CSMD3: variants seen among roughly 807,000 people sequenced by gnomAD.
CSMD3 encodes CUB and Sushi multiple domains 3.
Under a neutral mutation model 435.2 loss-of-function variants are expected in CSMD3, and 177 were observed. The ratio of observed to expected loss-of-function variants is 0.41; its 90% CI spans 0.36 to 0.46. The LOEUF (loss-of-function observed/expected upper bound fraction) is 0.46. Among genes scored for constraint, CSMD3 ranks in the 20% least tolerant of loss-of-function variants. The probability of loss-of-function intolerance (pLI) is 0.34; values close to 1 mark genes in which losing one functional copy is unlikely to be tolerated. For missense variants in CSMD3, 4,265 were observed against 4,504.6 expected (o/e 0.95, Z 1.52); for synonymous variants, 1,656 against 1,520.5 (o/e 1.09, Z -2.07).
intron 6 of CSMD3, among the ~76,000 whole-genome samples, chr8:113,008,834 T>C (rs2086152829): frequency 6.6e-6 from 1 of 151,308 alleles, no homozygotes; most frequent in South Asian, 2.1e-4. Flanking sequence ...TAACAACCTA[T>C]TTATTATATT....
In CSMD3 at chr8:112,711,562, G is replaced by A. The variant is rs181703006; in HGVS notation, c.1973-21512C>T. On this transcript the variant is annotated intron_variant, in intron 13 of 70. Coordinates refer to ENST00000297405, the MANE Select transcript of CSMD3 (RefSeq NM_198123.2). Reference sequence around the variant, plus strand: ...TTCATGAATCATAAGGGAAATCAGAGGTGGAACTACTGGAACTCAAAGCTA... The same window carrying A: ...TTCATGAATCATAAGGGAAATCAGAAGTGGAACTACTGGAACTCAAAGCTA... Among the ~76,000 whole-genome samples, 73 of 152,074 alleles carry A rather than the reference G, an allele frequency of 4.8e-4. 1 individual carries two copies. The East Asian group carries it at 0.01, about 22-fold the overall frequency.
At chr8:112,295,789 C>T (rs2130712712) in intron 54 of CSMD3, 44 bp downstream of exon 54, 3 of 1,559,256 alleles carry the variant, frequency 1.9e-6, no homozygotes, top group South Asian at 2.2e-5. Context: ...TAGAATTATT[C>T]CAAAGATCAG....
chr8:112,586,826 T>C (rs1434690466), intron 23 of CSMD3, among the ~76,000 whole-genome samples: 1 of 145,368 alleles, frequency 6.9e-6, no homozygotes, highest in Non-Finnish European at 1.5e-5. Flanking sequence ...AAAATTTATG[T>C]ATCATAAAAC....
chr8:112,243,422 AG>A (rs915615381), intron 65 of CSMD3, among the ~76,000 whole-genome samples: 35 of 152,098 alleles, frequency 2.3e-4, no homozygotes, highest in African/African-American at 8.0e-4. Flanking sequence ...CACTAGAAAA[AG>A]TTCCTTTACT....
At chr8:113,272,671 C>T (rs949574550) in intron 3 of CSMD3, among the ~76,000 whole-genome samples, 4 of 152,126 alleles carry the variant, frequency 2.6e-5, no homozygotes, top group Non-Finnish European at 5.9e-5. Context: ...TTGGGTATGT[C>T]TTTATCAGCA....
At chr8:112,705,098 T>C (rs1043325162) in intron 13 of CSMD3, among the ~76,000 whole-genome samples, 7 of 152,108 alleles carry the variant, frequency 4.6e-5, no homozygotes, top group Non-Finnish European at 1.0e-4. Flanking sequence ...GTAGGAACTA[T>C]GGCTGCTGAA....
intron 59 of CSMD3, among the ~76,000 whole-genome samples, chr8:112,276,741 G>A (rs1818082776): frequency 1.3e-5 from 2 of 152,158 alleles, no homozygotes; most frequent in Non-Finnish European, 2.9e-5. Context: ...GGACGTACAG[G>A]CATGTCCATA....
intron 10 of CSMD3, among the ~76,000 whole-genome samples, chr8:112,884,809 G>C (rs138184785): frequency 6.6e-5 from 10 of 151,674 alleles, no homozygotes; most frequent in Non-Finnish European, 1.2e-4. Context: ...CCATTGCAGT[G>C]GGAACTGATC....
intron 59 of CSMD3, among the ~76,000 whole-genome samples, chr8:112,276,201 A>G (rs1038894210): frequency 5.3e-5 from 8 of 152,210 alleles, no homozygotes; most frequent in African/African-American, 1.9e-4. Context: ...TTCTGTGACT[A>G]CATGTCTCAC....
chr8:112,745,341 A>T (rs1330142827), intron 13 of CSMD3, among the ~76,000 whole-genome samples: 1 of 152,094 alleles, frequency 6.6e-6, no homozygotes, highest in African/African-American at 2.4e-5. Flanking sequence ...CAAGAGAAAA[A>T]ATAGTTTCTA....
At chr8:112,490,762 C>A (rs1820610017) in intron 31 of CSMD3, among the ~76,000 whole-genome samples, 2 of 151,814 alleles carry the variant, frequency 1.3e-5, no homozygotes, top group African/African-American at 4.8e-5. Flanking sequence ...ATATTTTTTT[C>A]TAGCTAAATT....
chr8:112,982,633 A>G (rs2085095454), intron 6 of CSMD3, among the ~76,000 whole-genome samples: 1 of 151,874 alleles, frequency 6.6e-6, no homozygotes, highest in South Asian at 2.1e-4. Context: ...GAAGCACCTC[A>G]TTTTCATACC....
chr8:112,484,266 A>G (rs989243822), intron 31 of CSMD3, among the ~76,000 whole-genome samples: 23 of 152,182 alleles, frequency 1.5e-4, no homozygotes, highest in Non-Finnish European at 3.4e-4. Context: ...AAATGTAGGC[A>G]ACAAAGCACA....
intron 3 of CSMD3, among the ~76,000 whole-genome samples, chr8:113,251,246 T>C (rs561341372): frequency 2.2e-4 from 34 of 152,112 alleles, no homozygotes; most frequent in Non-Finnish European, 4.4e-4. Context: ...TTCATGATAA[T>C]GGAGAAACAG....
chr8:112,283,961 T>C (rs1818918460), intron 58 of CSMD3, among the ~76,000 whole-genome samples: 1 of 151,872 alleles, frequency 6.6e-6, no homozygotes, highest in African/African-American at 2.4e-5. Context: ...ATATTCTGAC[T>C]GGATCATTAC....
At chr8:112,464,236 T>TTAAAAAAAAAAAAAAAAAAAAAAA (rs1817729945) in intron 32 of CSMD3, among the ~76,000 whole-genome samples, 1 of 117,940 alleles carries the variant, frequency 8.5e-6, no homozygotes, top group African/African-American at 3.7e-5. Flanking sequence ...AGACTCTGTT[T>TTAAAAAAAAAAAAAAAAAAAAAAA]CAAAAAAAAA....
chr8:112,666,450 A>G lies in CSMD3; in HGVS notation c.2678-35T>C, dbSNP rs1334777717. On this transcript the variant is annotated intron_variant, in intron 16 of 70. Transcript: ENST00000297405. ...TAAATCAGACAAGTAAGAATAAAACATTCAAGATAAATCGCAGATATTATT... is the reference window on the plus strand; with the variant it reads ...TAAATCAGACAAGTAAGAATAAAACGTTCAAGATAAATCGCAGATATTATT... 7 of 1,593,756 alleles carry G rather than the reference A, an allele frequency of 4.4e-6. No homozygotes were observed. In the African/African-American group the frequency reaches 5.4e-5, roughly 12 times the overall value.
At chr8:112,291,839 A>C in intron 55 of CSMD3, 144 bp from the exon 56 acceptor site, 1 of 631,396 alleles carries the variant, frequency 1.6e-6, no homozygotes, top group Non-Finnish European at 2.7e-6. Context: ...AATCCCATGG[A>C]TTATCTAGAA....
intron 8 of CSMD3, among the ~76,000 whole-genome samples, chr8:112,948,338 T>C (rs1167019325): frequency 6.6e-6 from 1 of 152,040 alleles, no homozygotes; most frequent in African/African-American, 2.4e-5. Context: ...ACACTTCTTA[T>C]CTGGTATATG....
Sources: allele counts gnomAD v4.1 joint callset (sites outside exome capture counted in the v4.1 genomes callset), GRCh38; gene constraint gnomAD v4.1.1; transcripts MANE v1.5; gene names NCBI Gene and HGNC (gene_info 2026-07-23, HGNC 2026-07-21).